ZNF423: variants seen among roughly 807,000 people sequenced by gnomAD.
ZNF423 encodes the protein zinc finger protein 423, also known as Ebf-associated zinc finger protein.
A neutral mutation model predicts 95.8 loss-of-function variants in ZNF423; 12 were observed. That is an observed-to-expected ratio of 0.13 (90% CI 0.08 to 0.20). The LOEUF is 0.20. Among genes scored for constraint, ZNF423 ranks in the 10% least tolerant of loss-of-function variants. The pLI, the probability that ZNF423 is intolerant of heterozygous loss-of-function variation, is 1.00. For synonymous variants in ZNF423, 749 were observed against 711.9 expected, an observed-to-expected ratio of 1.05 and a Z score of -0.83; for missense variants, 1,316 against 1,737.1, an observed-to-expected ratio of 0.76 and a Z score of 4.31.
chr16:49,542,707 G>A (rs1969296664), intron 5 of ZNF423, among the ~76,000 whole-genome samples: 1 of 152,204 alleles, frequency 6.6e-6, no homozygotes, highest in Non-Finnish European at 1.5e-5. Flanking sequence ...GTGCAGGCTG[G>A]GCCCCAGCCC....
At chr16:49,640,423 C>A (rs968341587) in intron 3 of ZNF423, among the ~76,000 whole-genome samples, 1 of 152,186 alleles carries the variant, frequency 6.6e-6, no homozygotes, top group African/African-American at 2.4e-5. Flanking sequence ...TGCAGACACA[C>A]ACACACACAC....
intron 3 of ZNF423, among the ~76,000 whole-genome samples, chr16:49,689,747 G>T (rs561617863): frequency 6.6e-6 from 1 of 152,182 alleles, no homozygotes; most frequent in Non-Finnish European, 1.5e-5. Flanking sequence ...CCAAGGTCAG[G>T]AACAGGCAGG....
At chr16:49,761,755 A>G (rs7404830) in intron 2 of ZNF423, among the ~76,000 whole-genome samples, 1 of 152,076 alleles carries the variant, frequency 6.6e-6, no homozygotes, top group Non-Finnish European at 1.5e-5. Flanking sequence ...CCTCTGCACA[A>G]ACATCCAAGG....
At chr16:49,590,757 G>A (rs560450660) in intron 5 of ZNF423, among the ~76,000 whole-genome samples, 13 of 152,126 alleles carry the variant, frequency 8.5e-5, no homozygotes, top group East Asian at 1.9e-4. Context: ...ATTAACACCC[G>A]CACTTGATGA....
intron 3 of ZNF423, among the ~76,000 whole-genome samples, chr16:49,677,325 G>GGGGAA (rs2031141713): frequency 2.6e-4 from 6 of 22,686 alleles, no homozygotes; most frequent in African/African-American, 7.2e-4. Context: ...GGGGAAGGGA[G>GGGGAA]GGGAGGGGAG....
chr16:49,855,501 G>C lies in ZNF423; in HGVS notation c.40+234C>G, dbSNP rs1028368154. 1.4e-5 allele frequency among the ~76,000 whole-genome samples: 2 copies of C among 138,362 alleles called. No individual in the cohort carries two copies. Among genetic ancestry groups the C allele is most frequent in the Non-Finnish European group, 1.6e-5 (1 of 64,282 alleles). 90.8% of individuals were successfully genotyped at this position (138,362 alleles called of 152,430 possible). On this transcript the variant is annotated intron_variant, in intron 1 of 7. Coordinates refer to ENST00000563137, the MANE Select transcript of ZNF423 (RefSeq NM_001379286.1). The surrounding 1 kb of genome is among the most constrained non-coding windows in gnomAD (Gnocchi z 4.7). The stretch of plus-strand genomic sequence containing the variant: ...AGTCCGGGCAGGGAGGGTGTCCGCG[G>C]CGTACCCCCTCCGCCGCCGCCGCCG...
intron 5 of ZNF423, among the ~76,000 whole-genome samples, chr16:49,525,711 C>G (rs1308867020): frequency 2.6e-5 from 4 of 152,156 alleles, no homozygotes; most frequent in Admixed American, 6.5e-5. Context: ...ATATGTGGCC[C>G]TTGGAGGTGC....
chr16:49,562,026 C>T (rs1340220348), intron 5 of ZNF423, among the ~76,000 whole-genome samples: 1 of 152,160 alleles, frequency 6.6e-6, no homozygotes, highest in Non-Finnish European at 1.5e-5. Context: ...TAGTGAGTGG[C>T]TTCTGTCTCC....
chr16:49,669,068 G>T (rs898966879), intron 3 of ZNF423, among the ~76,000 whole-genome samples: 1 of 152,150 alleles, frequency 6.6e-6, no homozygotes, highest in African/African-American at 2.4e-5. Context: ...GGCAGCTCAT[G>T]TCTGTAATCC....
At chr16:49,657,799 G>A (rs2029965562) in intron 3 of ZNF423, among the ~76,000 whole-genome samples, 1 of 152,140 alleles carries the variant, frequency 6.6e-6, no homozygotes, top group Non-Finnish European at 1.5e-5. Context: ...TGTGTTCAGG[G>A]GTCCTCCCTG....
chr16:49,670,307 C>A (rs1330770359), intron 3 of ZNF423, among the ~76,000 whole-genome samples: 1 of 152,204 alleles, frequency 6.6e-6, no homozygotes, highest in Non-Finnish European at 1.5e-5. Context: ...CCTGCCTCTG[C>A]GAGAGTTCAG....
chr16:49,820,485 T>C (rs1405588097), intron 1 of ZNF423, among the ~76,000 whole-genome samples: 1 of 152,240 alleles, frequency 6.6e-6, no homozygotes, highest in Non-Finnish European at 1.5e-5. Flanking sequence ...CTTAAAGACA[T>C]TTCTTTCCAA....
At chr16:49,505,766 C>A (rs1967610733) in intron 7 of ZNF423, among the ~76,000 whole-genome samples, 1 of 152,226 alleles carries the variant, frequency 6.6e-6, no homozygotes, top group African/African-American at 2.4e-5. Context: ...GGCAGGGCTC[C>A]ATGGGCTGCC....
At position 49,637,029 on chromosome 16, in the gene ZNF423, T is replaced by G. The variant is rs1972751380; in HGVS notation, c.2147A>C (p.Gln716Pro). The part of the protein sequence containing the change: ...DKQFSSVDDL[Q>P]KHLLDMHTFV... ...GGTGTGCATGTCCAGCAGGTGCTTC[T>G]GCAGGTCATCCACCGAGGAAAATTG... The change falls in exon 4 of 8, where the codon CAG becomes CCG. Residue 716 changes from glutamine to proline, a missense_variant. By Grantham distance (76) the Gln-to-Pro change is moderately conservative. Around this residue, in one of 6 missense-constraint regions of ZNF423, gnomAD observed 620 missense variants for 775.6 expected, o/e 0.80. Coordinates refer to ENST00000563137, the MANE Select transcript of ZNF423 (RefSeq NM_001379286.1). The surrounding 1 kb of genome is among the most constrained non-coding windows in gnomAD (Gnocchi z 5.6). 6.2e-7 allele frequency: 1 copy of G among 1,613,872 alleles called. No homozygotes were observed. The highest frequency in any genetic ancestry group is 8.5e-7 in the Non-Finnish European group (1 of 1,180,036).
chr16:49,859,161 C>T (rs916525085), upstream of ZNF423, among the ~76,000 whole-genome samples: 2 of 152,126 alleles, frequency 1.3e-5, no homozygotes, highest in Non-Finnish European at 2.9e-5. Flanking sequence ...TGGTTGGAGT[C>T]CCACGGGGCT....
At chr16:49,754,808 T>A (rs181543520) in intron 2 of ZNF423, among the ~76,000 whole-genome samples, 1 of 152,300 alleles carries the variant, frequency 6.6e-6, no homozygotes, top group Admixed American at 6.5e-5. Flanking sequence ...AAGAAAAAAC[T>A]TTTTTTGCCA....
chr16:49,491,630 G>A (rs751159607), intron 7 of ZNF423, among the ~76,000 whole-genome samples: 15 of 151,270 alleles, frequency 9.9e-5, no homozygotes, highest in Non-Finnish European at 2.1e-4. Context: ...CCGGGGAGGA[G>A]GCAGGAATTA....
intron 2 of ZNF423, among the ~76,000 whole-genome samples, chr16:49,767,611 A>C (rs1372428810): frequency 6.6e-6 from 1 of 152,316 alleles, no homozygotes; most frequent in East Asian, 1.9e-4. Context: ...ATGATCAGAG[A>C]GGGGCATGCG....
At chr16:49,786,776 C>T (rs546258390) in intron 2 of ZNF423, among the ~76,000 whole-genome samples, 5 of 152,358 alleles carry the variant, frequency 3.3e-5, no homozygotes, top group Admixed American at 3.3e-4. Flanking sequence ...AGCTCTTTCC[C>T]TCATCTGTCA....
Sources: allele counts gnomAD v4.1 joint callset (sites outside exome capture counted in the v4.1 genomes callset), GRCh38; gene constraint gnomAD v4.1.1; regional missense constraint gnomAD v4.1.1; non-coding constraint Gnocchi (gnomAD v3.1); transcripts MANE v1.5; gene names NCBI Gene and HGNC (gene_info 2026-07-23, HGNC 2026-07-21).